TMEM132D: variants seen among roughly 807,000 people sequenced by gnomAD.
TMEM132D encodes mature OL transmembrane protein.
A neutral mutation model predicts 62.3 loss-of-function variants in TMEM132D; 21 were observed. The observed-to-expected ratio is 0.34, with a 90% CI of 0.24 to 0.49. The LOEUF (loss-of-function observed/expected upper bound fraction) is 0.49, where lower values mean the gene tolerates loss of function less well. Ranked by LOEUF, TMEM132D falls within the 20% of genes least tolerant of loss-of-function variation. The pLI is 0.99. For missense variants in TMEM132D, 1,346 were observed against 1,402.8 expected, an observed-to-expected ratio of 0.96 and a Z score of 0.65; for synonymous variants, 621 against 575.6, an observed-to-expected ratio of 1.08 and a Z score of -1.13.
At chr12:129,188,750 G>C in intron 5 of TMEM132D, among the ~76,000 whole-genome samples, 1 of 125,040 alleles carries the variant, frequency 8.0e-6, no homozygotes, top group East Asian at 2.9e-4. Context: ...AGGGAGAGGG[G>C]GAGGGAGAGA....
intron 1 of TMEM132D, among the ~76,000 whole-genome samples, chr12:129,821,311 C>T (rs1238509507): frequency 6.6e-6 from 1 of 152,132 alleles, no homozygotes; most frequent in African/African-American, 2.4e-5. Flanking sequence ...TGTTGGTGTC[C>T]TCTGAAACGC....
intron 5 of TMEM132D, among the ~76,000 whole-genome samples, chr12:129,203,583 T>G (rs1229029490): frequency 6.6e-6 from 1 of 152,214 alleles, no homozygotes; most frequent in Non-Finnish European, 1.5e-5. Context: ...TCTAGCTCAA[T>G]GGTCCTACTT....
intron 2 of TMEM132D, among the ~76,000 whole-genome samples, chr12:129,532,155 T>C (rs1019097511): frequency 1.3e-5 from 2 of 152,214 alleles, no homozygotes; most frequent in Non-Finnish European, 2.9e-5. Context: ...AAGCTAATGT[T>C]TCCTGCTGTG....
chr12:129,660,847 C>T (rs769674122), intron 2 of TMEM132D, among the ~76,000 whole-genome samples: 8 of 152,156 alleles, frequency 5.3e-5, no homozygotes, highest in Non-Finnish European at 1.0e-4. Flanking sequence ...CTCAAATTCA[C>T]ACTCTCATGT....
At chr12:129,488,016 G>A (rs186179745) in intron 3 of TMEM132D, among the ~76,000 whole-genome samples, 6 of 150,288 alleles carry the variant, frequency 4.0e-5, no homozygotes, top group South Asian at 2.1e-4. Flanking sequence ...AGGGAGAAAC[G>A]GCCCCTTGTT....
intron 2 of TMEM132D, among the ~76,000 whole-genome samples, chr12:129,639,958 G>A (rs1879599274): frequency 6.6e-6 from 1 of 152,162 alleles, no homozygotes; most frequent in Admixed American, 6.5e-5. Context: ...TGCCACAGAT[G>A]TAAGACTGCT....
chr12:129,328,167 CT>C (rs2135648829), intron 4 of TMEM132D, among the ~76,000 whole-genome samples: 2 of 152,340 alleles, frequency 1.3e-5, no homozygotes, highest in East Asian at 3.9e-4. Flanking sequence ...CTCAATGAGT[CT>C]TTCCCTCCAT....
intron 4 of TMEM132D, among the ~76,000 whole-genome samples, 191 bp downstream of exon 4, chr12:129,337,443 A>G (rs769526229): frequency 4.4e-4 from 30 of 67,906 alleles, no homozygotes; most frequent in African/African-American, 9.7e-4. Flanking sequence ...ACACACACGC[A>G]CACACACACA....
chr12:129,633,119 A>T (rs1292607718), intron 2 of TMEM132D, among the ~76,000 whole-genome samples: 1 of 152,196 alleles, frequency 6.6e-6, no homozygotes, highest in Non-Finnish European at 1.5e-5. Flanking sequence ...AAAAAACTCC[A>T]CTTTACCGTC....
intron 4 of TMEM132D, among the ~76,000 whole-genome samples, chr12:129,241,526 C>G (rs7960370): frequency 0.015 from 2,262 of 152,198 alleles, 58 homozygotes; most frequent in African/African-American, 0.052. Context: ...GCCTAGAACA[C>G]CCTCTCCCTC....
chr12:129,896,149 TG>T (rs1466460937), intron 1 of TMEM132D, among the ~76,000 whole-genome samples: 3 of 151,634 alleles, frequency 2.0e-5, no homozygotes, highest in Admixed American at 1.3e-4. Flanking sequence ...TTTTTTGTTT[TG>T]TTTTGTTTTG....
chr12:129,890,764 C>G (rs897777661), intron 1 of TMEM132D, among the ~76,000 whole-genome samples: 1 of 152,200 alleles, frequency 6.6e-6, no homozygotes, highest in African/African-American at 2.4e-5. Flanking sequence ...GAGTTAATCT[C>G]ATATTCATCT....
chr12:129,327,533 A>G (rs1868954717), intron 4 of TMEM132D, among the ~76,000 whole-genome samples: 1 of 152,206 alleles, frequency 6.6e-6, no homozygotes, highest in East Asian at 1.9e-4. Flanking sequence ...AGATTATAGA[A>G]CGTTTATATC....
intron 1 of TMEM132D, among the ~76,000 whole-genome samples, chr12:129,850,857 AAAAT>A (rs1318426276): frequency 6.6e-6 from 1 of 152,238 alleles, no homozygotes; most frequent in Non-Finnish European, 1.5e-5. Context: ...GTGAGGACAC[AAAAT>A]AAATACTTTT....
At chr12:129,292,740 T>A (rs1881480793) in intron 4 of TMEM132D, among the ~76,000 whole-genome samples, 1 of 152,138 alleles carries the variant, frequency 6.6e-6, no homozygotes, top group Non-Finnish European at 1.5e-5. Flanking sequence ...ACAGACATAT[T>A]CATAGTTAAT....
In TMEM132D at chr12:129,422,559, A is replaced by G. The variant is rs987832681; in HGVS notation, c.1116-84742T>C. On this transcript the variant is annotated intron_variant, in intron 3 of 8. Transcript: ENST00000422113. The stretch of plus-strand genomic sequence containing the variant: ...TAACATCTAGGTCTGAAAAGGTTGC[A>G]AATAAATTAGTGTCTTGCCAACAAT... Among the ~76,000 whole-genome samples the G allele has an allele frequency of 3.9e-5, 6 of 152,338 alleles. No homozygotes were observed. In the East Asian group the frequency reaches 1.2e-3, roughly 29 times the overall value.
At chr12:129,114,394 T>TTCCTTCCCTCCTTCCTTCCTTCCC (rs1875821344) in intron 5 of TMEM132D, among the ~76,000 whole-genome samples, 1 of 146,286 alleles carries the variant, frequency 6.8e-6, no homozygotes, top group South Asian at 2.1e-4. Flanking sequence ...AACTCCTTCC[T>TTCCTTCCCTCCTTCCTTCCTTCCC]TCCTTCCCTC....
chr12:129,777,110 C>T (rs1415127649), intron 1 of TMEM132D, among the ~76,000 whole-genome samples: 1 of 152,182 alleles, frequency 6.6e-6, no homozygotes, highest in Non-Finnish European at 1.5e-5. Context: ...TTCCCCAGGG[C>T]AAAGTGCCAC....
rs115089230 is a variant in TMEM132D, at chr12:129,834,489, T to C, written c.79+68772A>G. Among the ~76,000 whole-genome samples, 1,129 of 141,564 alleles carry C rather than the reference T, an allele frequency of 8.0e-3. 17 individuals carry two copies. Among genetic ancestry groups the C allele is most frequent in the African/African-American group, 0.027 (1,066 of 38,822 alleles). The allele number at this position is 141,564 out of a possible 152,430, so 92.9% of individuals were successfully genotyped here. The stretch of plus-strand genomic sequence containing the variant: ...ATATCTCCCATACAGTTTTCCTTCC[T>C]AAACCCCCTCTCTCAGCCCTGAAAG... On this transcript the variant is annotated intron_variant, in intron 1 of 8. Coordinates refer to ENST00000422113, the MANE Select transcript of TMEM132D (RefSeq NM_133448.3).
Sources: allele counts gnomAD v4.1 joint callset (sites outside exome capture counted in the v4.1 genomes callset), GRCh38; gene constraint gnomAD v4.1.1; transcripts MANE v1.5; gene names NCBI Gene and HGNC (gene_info 2026-07-23, HGNC 2026-07-21).